BTBD2: variants seen among roughly 807,000 people sequenced by gnomAD.
BTBD2 encodes BTB domain containing 2.
A neutral mutation model predicts 44.0 loss-of-function variants in BTBD2; 15 were observed. That is an observed-to-expected ratio of 0.34 (90% CI 0.23 to 0.53). The LOEUF (loss-of-function observed/expected upper bound fraction) is 0.53, where lower values mean the gene tolerates loss of function less well. Among genes scored for constraint, BTBD2 ranks in the 20% least tolerant of loss-of-function variants. The pLI is 0.95. For missense variants in BTBD2, 657 were observed against 746.4 expected (o/e 0.88, Z 1.39); for synonymous variants, 443 against 335.9 (o/e 1.32, Z -3.49).
chr19:2,004,623 TGA>T (rs1016306112), intron 1 of BTBD2, among the ~76,000 whole-genome samples: 16 of 150,670 alleles, frequency 1.1e-4, no homozygotes, highest in Admixed American at 9.3e-4. Context: ...CTAAATTGAC[TGA>T]GACCTGTCTC....
intron 1 of BTBD2, among the ~76,000 whole-genome samples, chr19:2,004,557 G>A (rs971760614): frequency 1.3e-5 from 2 of 151,182 alleles, no homozygotes; most frequent in East Asian, 2.0e-4. Context: ...TCGGCCTCCC[G>A]AAGTGCTGGG....
At chr19:2,014,920 C>A (rs938751991) in intron 1 of BTBD2, among the ~76,000 whole-genome samples, 1 of 150,398 alleles carries the variant, frequency 6.6e-6, no homozygotes, top group Non-Finnish European at 1.5e-5. Context: ...GAGTGCAGGC[C>A]TGGTGGGGTC....
At chr19:2,010,913 T>C (rs570083904) in intron 1 of BTBD2, among the ~76,000 whole-genome samples, 5 of 152,254 alleles carry the variant, frequency 3.3e-5, no homozygotes, top group East Asian at 3.9e-4. Flanking sequence ...GCTGGGATGA[T>C]AGGCGTGAGC....
At chr19:2,012,725 G>C (rs565704958) in intron 1 of BTBD2, among the ~76,000 whole-genome samples, 2 of 152,262 alleles carry the variant, frequency 1.3e-5, no homozygotes, top group African/African-American at 4.8e-5. Context: ...GAGCCCCCCG[G>C]GGGCAGACCC....
intron 2 of BTBD2, among the ~76,000 whole-genome samples, chr19:1,995,585 T>C (rs994115102): frequency 6.6e-6 from 1 of 150,432 alleles, no homozygotes; most frequent in Admixed American, 6.7e-5. Flanking sequence ...CCTGGCCACT[T>C]TGGATTCTTC....
intron 2 of BTBD2, among the ~76,000 whole-genome samples, chr19:1,996,896 C>CAGA (rs1025914290): frequency 2.0e-5 from 3 of 148,684 alleles, no homozygotes; most frequent in Non-Finnish European, 3.0e-5. Flanking sequence ...AAAAGGGTGC[C>CAGA]TCTGGGCTGG....
At position 1,990,060 on chromosome 19, in the gene BTBD2, C is replaced by T. The variant is rs775506599; in HGVS notation, c.932G>A (p.Gly311Asp). Reference protein sequence around the residue: ...VTPENRRKVLGKALGLIRFPL... With the variant: ...VTPENRRKVLDKALGLIRFPL... The stretch of plus-strand genomic sequence containing the variant: ...GAAGCGAATGAGGCCCAGGGCCTTG[C>T]CCAGAACCTTCCGCCTGTTCTCTGG... Residue 311 changes from glycine to aspartate, a missense_variant, in exon 5 of 9, where the codon GGC becomes GAC. By Grantham distance (94) the Gly-to-Asp change is moderately conservative (BLOSUM62 -1). Around this residue, in one of 3 missense-constraint regions of BTBD2, gnomAD observed 449 missense variants for 510.9 expected, o/e 0.88. Coordinates refer to ENST00000255608, the MANE Select transcript of BTBD2 (RefSeq NM_017797.4). 5.0e-6 allele frequency: 8 copies of T among 1,613,342 alleles called. No homozygotes were observed. The highest frequency in any genetic ancestry group is 1.6e-4 in the Middle Eastern group (1 of 6,062).
At chr19:2,013,475 C>A in intron 1 of BTBD2, 3 of 983,362 alleles carry the variant, frequency 3.1e-6, no homozygotes, top group Non-Finnish European at 3.6e-6. Context: ...GGGCAGGGGT[C>A]TAGGGTGGTG....
chr19:1,999,853 T>C (rs1439354672), intron 1 of BTBD2, among the ~76,000 whole-genome samples: 4 of 150,562 alleles, frequency 2.7e-5, no homozygotes, highest in South Asian at 2.1e-4. Context: ...TCCCAGCTAC[T>C]CAGGAGGCTG....
intron 1 of BTBD2, among the ~76,000 whole-genome samples, chr19:2,004,454 C>T (rs1009046901): frequency 1.3e-5 from 2 of 151,922 alleles, no homozygotes; most frequent in Non-Finnish European, 2.9e-5. Flanking sequence ...TGCATCACCA[C>T]GCCCAGCTAA....
chr19:2,014,879 G>A (rs986380117), intron 1 of BTBD2, among the ~76,000 whole-genome samples: 1 of 151,590 alleles, frequency 6.6e-6, no homozygotes, highest in African/African-American at 2.4e-5. Context: ...GGATCCAGGG[G>A]GGCCTGGGGA....
chr19:2,002,971 G>A (rs751400585), intron 1 of BTBD2: 8 of 151,966 alleles, frequency 5.3e-5, no homozygotes, highest in Non-Finnish European at 1.2e-4. Flanking sequence ...CACACACAGT[G>A]CCAGAACTCC....
intron 1 of BTBD2, chr19:2,014,761 T>C (rs758588478): frequency 6.8e-4 from 103 of 151,422 alleles, no homozygotes; most frequent in Non-Finnish European, 5.1e-4. Context: ...GAACGGAGGG[T>C]ACCGGAGTGC....
intron 1 of BTBD2, among the ~76,000 whole-genome samples, chr19:2,012,092 GA>G (rs1415259543): frequency 6.6e-6 from 1 of 151,948 alleles, no homozygotes; most frequent in Non-Finnish European, 1.5e-5. Flanking sequence ...CTGACCTCAT[GA>G]TTCGCCCGCC....
At chr19:2,003,777 A>G (rs549293290) in intron 1 of BTBD2, among the ~76,000 whole-genome samples, 1 of 147,816 alleles carries the variant, frequency 6.8e-6, no homozygotes, top group East Asian at 2.1e-4. Flanking sequence ...GTCAAAGAAA[A>G]AAAAAAAAAA....
At chr19:2,006,077 G>C (rs1002508998) in intron 1 of BTBD2, among the ~76,000 whole-genome samples, 2 of 148,992 alleles carry the variant, frequency 1.3e-5, no homozygotes, top group African/African-American at 5.0e-5. Flanking sequence ...GACAGAGTGA[G>C]ACCCTGTCTC....
intron 1 of BTBD2, among the ~76,000 whole-genome samples, chr19:2,004,834 T>A (rs907174012): frequency 4.0e-5 from 6 of 151,740 alleles, no homozygotes; most frequent in East Asian, 3.9e-4. Context: ...AATTATTATT[T>A]TTTTTTAGAT....
At chr19:1,997,549 C>A in intron 1 of BTBD2, 86 bp from the exon 2 acceptor site, 1 of 1,568,420 alleles carries the variant, frequency 6.4e-7, no homozygotes, top group Non-Finnish European at 8.6e-7. Context: ...TGGGTGACCA[C>A]CCCACTAGGG....
chr19:1,987,313 G>A (rs1404149893), intron 6 of BTBD2, 60 bp from the exon 7 acceptor site: 2 of 1,585,154 alleles, frequency 1.3e-6, no homozygotes, highest in East Asian at 4.5e-5. Flanking sequence ...AGGTGAGCTG[G>A]GGCGAGCCCA....
Sources: gnomAD v4.1 joint callset for allele counts (sites outside exome capture counted in the v4.1 genomes callset) on GRCh38, gnomAD v4.1.1 for gene constraint, gnomAD v4.1.1 regional missense constraint, MANE v1.5 for transcripts, NCBI Gene and HGNC (gene_info 2026-07-23, HGNC 2026-07-21) for gene names.